Variants in CDH18 observed in about 807,000 individuals in gnomAD.
The protein encoded by CDH18 is cadherin 18, also known as cadherin-18.
Under a neutral mutation model 67.9 loss-of-function variants are expected in CDH18, and 31 were observed. The observed-to-expected ratio is 0.46, with a 90% CI of 0.34 to 0.62. The LOEUF is 0.62. CDH18 is among the 20% of genes least tolerant of loss of function. The probability of loss-of-function intolerance (pLI) is 0.01; values close to 1 mark genes in which losing one functional copy is unlikely to be tolerated. For synonymous variants in CDH18, 362 were observed against 347.2 expected (o/e 1.04, Z -0.48); for missense variants, 890 against 975.5 (o/e 0.91, Z 1.17).
chr5:20,131,881 TTTG>T (rs1554094168), intron 2 of CDH18, among the ~76,000 whole-genome samples: 10 of 152,082 alleles, frequency 6.6e-5, no homozygotes, highest in Admixed American at 2.6e-4. Context: ...AGTGTTTTTT[TTTG>T]TTGTTGTTGT....
chr5:20,241,629 A>T (rs142578201), intron 2 of CDH18, among the ~76,000 whole-genome samples: 4,047 of 151,976 alleles, frequency 0.027, 200 homozygotes, highest in African/African-American at 0.093. Context: ...AGGCGGGTGG[A>T]TCACGAGGTC....
intron 2 of CDH18, among the ~76,000 whole-genome samples, chr5:20,218,923 T>C (rs1301331481): frequency 6.6e-6 from 1 of 151,326 alleles, no homozygotes; most frequent in African/African-American, 2.4e-5. Context: ...ATCAAAAAAG[T>C]AGAACAACTT....
At chr5:19,960,720 TGTATATAC>T (rs902883219) in intron 2 of CDH18, among the ~76,000 whole-genome samples, 5 of 132,928 alleles carry the variant, frequency 3.8e-5, no homozygotes, top group Non-Finnish European at 7.5e-5. Context: ...TGTATACACG[TGTATATAC>T]GTATATACGT....
intron 1 of CDH18, among the ~76,000 whole-genome samples, chr5:20,448,676 T>C (rs1049556338): frequency 2.0e-5 from 3 of 152,104 alleles, no homozygotes; most frequent in African/African-American, 7.2e-5. Flanking sequence ...ACAGTACTTA[T>C]TTTTACAGAC....
intron 2 of CDH18, among the ~76,000 whole-genome samples, chr5:19,850,250 A>G (rs990684015): frequency 6.6e-6 from 1 of 151,928 alleles, no homozygotes; most frequent in African/African-American, 2.4e-5. Flanking sequence ...ACTCATATTT[A>G]TTTTTATTAC....
At chr5:19,731,591 G>A (rs560345950) in intron 4 of CDH18, among the ~76,000 whole-genome samples, 2 of 152,310 alleles carry the variant, frequency 1.3e-5, no homozygotes, top group Non-Finnish European at 2.9e-5. Context: ...GAATCTGGAT[G>A]CCTTTGCATT....
intron 1 of CDH18, among the ~76,000 whole-genome samples, chr5:20,274,790 G>A (rs1208346994): frequency 6.6e-6 from 1 of 152,092 alleles, no homozygotes; most frequent in Non-Finnish European, 1.5e-5. Flanking sequence ...CATACTTTGA[G>A]AACATCTTTT....
At chr5:19,630,686 C>T (rs1410885295) in intron 5 of CDH18, among the ~76,000 whole-genome samples, 1 of 152,084 alleles carries the variant, frequency 6.6e-6, no homozygotes, top group Non-Finnish European at 1.5e-5. Context: ...GCACCTAAGG[C>T]AGCCTATAAA....
intron 2 of CDH18, among the ~76,000 whole-genome samples, chr5:20,071,766 T>G (rs1035274934): frequency 6.6e-6 from 1 of 152,226 alleles, no homozygotes; most frequent in Admixed American, 6.5e-5. Flanking sequence ...AATTGCATAC[T>G]TGTGCCATAA....
chr5:19,518,229 T>A (rs1374304718), intron 10 of CDH18, among the ~76,000 whole-genome samples: 1 of 152,190 alleles, frequency 6.6e-6, no homozygotes, highest in Non-Finnish European at 1.5e-5. Flanking sequence ...CTTTCAAGTA[T>A]AACTTTACTG....
chr5:20,006,892 C>T (rs1736943338), intron 2 of CDH18, among the ~76,000 whole-genome samples: 2 of 151,818 alleles, frequency 1.3e-5, no homozygotes, highest in South Asian at 2.1e-4. Flanking sequence ...GGGAAATATG[C>T]ATTTATAAGA....
rs7724214 is a variant in CDH18, at chr5:19,760,452, G to A, written c.229-13216C>T. Among the ~76,000 whole-genome samples, 1,358 of 152,190 alleles carry A rather than the reference G, an allele frequency of 8.9e-3. 12 individuals are homozygous for A. Among genetic ancestry groups the A allele is most frequent in the Non-Finnish European group, 0.014 (960 of 68,016 alleles). The stretch of plus-strand genomic sequence containing the variant: ...GATCAGGCATTTCCAGCTTGCTCAC[G>A]GTGGCCCATCTTTTAATCCATATTT... On this transcript the variant is annotated intron_variant, in intron 3 of 12. Coordinates refer to ENST00000382275, the MANE Select transcript of CDH18 (RefSeq NM_004934.5).
At chr5:19,610,966 T>A (rs1748856508) in intron 6 of CDH18, among the ~76,000 whole-genome samples, 2 of 152,196 alleles carry the variant, frequency 1.3e-5, no homozygotes, top group Non-Finnish European at 2.9e-5. Flanking sequence ...CATTTTAAAA[T>A]GATTTTTATT....
intron 1 of CDH18, among the ~76,000 whole-genome samples, chr5:20,484,112 G>A (rs1753003627): frequency 6.6e-6 from 1 of 151,904 alleles, no homozygotes; most frequent in Admixed American, 6.6e-5. Flanking sequence ...ATAAAAATGG[G>A]CAAAAGGTCT....
Position 19,543,265 on chromosome 5 carries a change from T to A in CDH18, c.1390+604A>T, listed in dbSNP as rs377114485. Among the ~76,000 whole-genome samples the A allele has an allele frequency of 1.1e-4, 16 of 152,060 alleles. No homozygotes were observed. In the East Asian group the frequency reaches 3.1e-3, roughly 29 times the overall value. ...TTCCAGAAGTATTACGGATATATAT[T>A]TTTTTATGTTGTTTCCTGAGCTTAG... On this transcript the variant is annotated intron_variant, in intron 9 of 12. Coordinates refer to ENST00000382275, the MANE Select transcript of CDH18 (RefSeq NM_004934.5).
At chr5:19,939,211 G>T (rs1794587672) in intron 2 of CDH18, among the ~76,000 whole-genome samples, 1 of 151,262 alleles carries the variant, frequency 6.6e-6, no homozygotes, top group African/African-American at 2.4e-5. Flanking sequence ...TATTTGAAAT[G>T]AATTATTCAA....
intron 2 of CDH18, among the ~76,000 whole-genome samples, chr5:19,956,951 T>C (rs2150286241): frequency 6.6e-6 from 1 of 152,052 alleles, no homozygotes; most frequent in East Asian, 1.9e-4. Context: ...ATGTGACTTA[T>C]TTATAAACTT....
intron 2 of CDH18, among the ~76,000 whole-genome samples, chr5:20,242,620 A>ACATATATATATATATATACATG (rs1554106663): frequency 1.5e-4 from 10 of 68,874 alleles, no homozygotes; most frequent in South Asian, 4.4e-4. Context: ...AAATATATAT[A>ACATATATATATATATATACATG]TATATATATA....
chr5:20,070,779 T>C (rs2150524729), intron 2 of CDH18, among the ~76,000 whole-genome samples: 2 of 152,318 alleles, frequency 1.3e-5, no homozygotes, highest in East Asian at 3.9e-4. Context: ...CTAGATAAAC[T>C]TCTCTAAAAT....
Sources: allele counts gnomAD v4.1 joint callset (sites outside exome capture counted in the v4.1 genomes callset), GRCh38; gene constraint gnomAD v4.1.1; transcripts MANE v1.5; gene names NCBI Gene and HGNC (gene_info 2026-07-23, HGNC 2026-07-21).